TP53BP1: variants seen among roughly 807,000 people sequenced by gnomAD.
TP53BP1 encodes tumor protein p53 binding protein 1, also known as TP53-binding protein 1.
In TP53BP1, 61 loss-of-function variants were observed where a neutral mutation model predicts 200.8. That is an observed-to-expected ratio of 0.30 (90% CI 0.25 to 0.38). The LOEUF is 0.38. Ranked by LOEUF, TP53BP1 falls within the 10% of genes least tolerant of loss-of-function variation. The pLI is 1.00. For synonymous variants in TP53BP1, 822 were observed against 844.3 expected (o/e 0.97, Z 0.46); for missense variants, 2,144 against 2,371.9 (o/e 0.90, Z 2.00).
intron 14 of TP53BP1, among the ~76,000 whole-genome samples, chr15:43,442,390 A>T (rs1033173383): frequency 2.0e-5 from 3 of 151,842 alleles, no homozygotes; most frequent in Non-Finnish European, 4.4e-5. Flanking sequence ...CCGGCTGGCT[A>T]TTTCTTGTAA....
Position 43,413,283 on chromosome 15 carries a change from GTGT to G in TP53BP1, c.5138_5140del (p.Asn1713del). 6.2e-7 allele frequency: 1 copy of G among 1,614,174 alleles called. No homozygotes were observed. The highest frequency in any genetic ancestry group is 8.5e-7 in the Non-Finnish European group (1 of 1,180,034). On this transcript the variant is annotated inframe_deletion, in exon 24 of 28. Coordinates refer to ENST00000382044, the MANE Select transcript of TP53BP1 (RefSeq NM_001141980.3). ...CTCTTCCAGGGCAGAGGGTTCACCG[GTGT>G]TGTCTCCACTCTCACAGGGGCTCAC...
At chr15:43,424,410 TTC>T (rs760430333) in intron 18 of TP53BP1, among the ~76,000 whole-genome samples, 35 of 152,362 alleles carry the variant, frequency 2.3e-4, no homozygotes, top group Admixed American at 1.4e-3. Context: ...CCATTCCTAC[TTC>T]TGTCATCATT....
intron 17 of TP53BP1, among the ~76,000 whole-genome samples, chr15:43,428,978 C>T (rs2045612792): frequency 6.6e-6 from 1 of 152,132 alleles, no homozygotes; most frequent in East Asian, 1.9e-4. Flanking sequence ...AAATTCAGGA[C>T]AGGTAAAACT....
chr15:43,498,026 T>C (rs2079190963), upstream of TP53BP1, among the ~76,000 whole-genome samples: 1 of 152,110 alleles, frequency 6.6e-6, no homozygotes, highest in Non-Finnish European at 1.5e-5. Flanking sequence ...TAGGTAACAG[T>C]GGGGTTGTAA....
chr15:43,414,767 G>A (rs562067352), intron 23 of TP53BP1, among the ~76,000 whole-genome samples: 5 of 151,972 alleles, frequency 3.3e-5, no homozygotes, highest in Non-Finnish European at 5.9e-5. Flanking sequence ...GTGCCGTGGC[G>A]TGATCTCGGC....
chr15:43,492,471 G>A lies in TP53BP1; in HGVS notation c.8-3C>T. On this transcript the variant is annotated splice_region_variant and splice_polypyrimidine_tract_variant and intron_variant, in intron 1 of 27. Transcript: ENST00000382044. ...TCCAGTAGGGTCCATCTGCTCCCCT[G>A]GAATGGAATAACAAAAGATCAGTTC... 3.7e-6 allele frequency: 6 copies of A among 1,612,164 alleles called. No individual in the cohort carries two copies. The highest frequency in any genetic ancestry group is 4.2e-6 in the Non-Finnish European group (5 of 1,178,880).
At chr15:43,502,217 G>A (rs2140178770) in intron 1 of TP53BP1, among the ~76,000 whole-genome samples, 1 of 152,194 alleles carries the variant, frequency 6.6e-6, no homozygotes, top group African/African-American at 2.4e-5. Context: ...CAGCTACTAG[G>A]GAGGCTGAGG....
chr15:43,500,540 C>G (rs1445396745), intron 1 of TP53BP1, among the ~76,000 whole-genome samples: 1 of 152,048 alleles, frequency 6.6e-6, no homozygotes, highest in African/African-American at 2.4e-5. Flanking sequence ...ATATTTTAGG[C>G]CAGGCTTGGT....
intron 4 of TP53BP1, among the ~76,000 whole-genome samples, chr15:43,487,192 C>T (rs1308987562): frequency 6.6e-6 from 1 of 151,920 alleles, no homozygotes; most frequent in African/African-American, 2.4e-5. Context: ...AAATGACAGG[C>T]AGCAAGTAAG....
rs758412451 is a variant in TP53BP1 at position 43,405,157 on chromosome 15, T to C, written c.*2226A>G. 1 of 1,611,662 alleles carries C rather than the reference T, an allele frequency of 6.2e-7. No individual in the cohort carries two copies. Among genetic ancestry groups the C allele is most frequent in the Non-Finnish European group, 8.5e-7 (1 of 1,178,070 alleles). ...GATTCATATTTCTTTGAAGGTAGTC[T>C]TGGGAAAGCATGACACTTAATAAGG... On this transcript the variant is annotated 3_prime_UTR_variant, in exon 28 of 28. Coordinates refer to ENST00000382044, the MANE Select transcript of TP53BP1 (RefSeq NM_001141980.3).
At chr15:43,475,354 A>G (rs553118225) in intron 9 of TP53BP1, among the ~76,000 whole-genome samples, 1 of 152,314 alleles carries the variant, frequency 6.6e-6, no homozygotes, top group Non-Finnish European at 1.5e-5. Context: ...TCTTAGTGAA[A>G]CGTTTGGGCT....
chr15:43,481,878 C>G (rs1020794361), intron 4 of TP53BP1, among the ~76,000 whole-genome samples: 2 of 150,766 alleles, frequency 1.3e-5, no homozygotes, highest in African/African-American at 2.4e-5. Flanking sequence ...AGCACGATCA[C>G]AGCTTACTGC....
chr15:43,468,944 A>C (rs1369936684), intron 11 of TP53BP1, among the ~76,000 whole-genome samples: 2 of 152,174 alleles, frequency 1.3e-5, no homozygotes, highest in Non-Finnish European at 2.9e-5. Context: ...AAAACAAATC[A>C]ATTTCTTCCT....
upstream of TP53BP1, among the ~76,000 whole-genome samples, chr15:43,495,006 T>G (rs967525126): frequency 2.0e-5 from 3 of 149,830 alleles, no homozygotes; most frequent in Middle Eastern, 3.4e-3. Context: ...CTGGGCAACA[T>G]GGCAAAAGCC....
intron 16 of TP53BP1, 76 bp downstream of exon 16, chr15:43,438,248 G>T: frequency 7.7e-7 from 1 of 1,300,942 alleles, no homozygotes; most frequent in Non-Finnish European, 1.1e-6. Flanking sequence ...CCACAGCACA[G>T]TACATATTAG....
chr15:43,486,873 G>A (rs896715563), intron 4 of TP53BP1, among the ~76,000 whole-genome samples: 2 of 152,042 alleles, frequency 1.3e-5, no homozygotes, highest in East Asian at 1.9e-4. Context: ...TGATCCACCC[G>A]CCTTGGCCTC....
At chr15:43,442,410 A>C (rs932970264) in intron 14 of TP53BP1, among the ~76,000 whole-genome samples, 11 of 152,006 alleles carry the variant, frequency 7.2e-5, no homozygotes, top group African/African-American at 2.7e-4. Context: ...ATTTAATGGT[A>C]CAAGTTTTTC....
At position 43,413,198 on chromosome 15, in the gene TP53BP1, G is replaced by A; in HGVS notation, c.5226C>T (p.Thr1742=). ...CCAACTTGTCACTGGTTGTGGCCAT[G>A]GTAAGGAGAAATGCGTAGCCCAGAA... ...TLFLGYAFLL[T]MATTSDKLAS... Residue 1742 remains threonine, a synonymous_variant, in exon 24 of 28, where the codon ACC becomes ACT. Coordinates refer to ENST00000382044, the MANE Select transcript of TP53BP1 (RefSeq NM_001141980.3). 6.2e-7 allele frequency: 1 copy of A among 1,614,204 alleles called. No homozygotes were observed. The highest frequency in any genetic ancestry group is 1.7e-5 in the Admixed American group (1 of 60,022).
Position 43,475,683 on chromosome 15 carries a change from C to T in TP53BP1, c.967G>A (p.Gly323Ser), listed in dbSNP as rs2078870324. 1 of 1,613,608 alleles carries T rather than the reference C, an allele frequency of 6.2e-7. No homozygotes were observed. Among genetic ancestry groups the T allele is most frequent in the African/African-American group, 1.3e-5 (1 of 74,880 alleles). ...TCCTCCCTTGAAGGAGTAGAGCAAC[C>T]ATCAGAAGATACTGAAAAAAAGAAA... is the stretch of plus-strand genomic sequence containing the variant. The part of the protein sequence containing the change: ...DQSNKTVSSD[G>S]CSTPSREEGG... The change falls in exon 9 of 28, where the codon GGT (glycine) becomes AGT (serine). Residue 323 changes from glycine (G) to serine (S), a missense_variant. By Grantham distance (56) the Gly-to-Ser change is moderately conservative. This residue lies in a region of TP53BP1 where 1,700 missense variants were observed against 1,710.3 expected (regional missense o/e 0.99). Transcript: ENST00000382044.
Sources: allele counts gnomAD v4.1 joint callset (sites outside exome capture counted in the v4.1 genomes callset), GRCh38; gene constraint gnomAD v4.1.1; regional missense constraint gnomAD v4.1.1; transcripts MANE v1.5; gene names NCBI Gene and HGNC (gene_info 2026-07-23, HGNC 2026-07-21).